The following IGFL2 variants were observed in gnomAD, a reference collection of about 807,000 sequenced individuals.
IGFL2 encodes the protein insulin growth factor-like family member 2.
Under a neutral mutation model 13.9 loss-of-function variants are expected in IGFL2, and 7 were observed. The ratio of observed to expected loss-of-function variants is 0.51; its 90% confidence interval spans 0.29 to 0.95. The LOEUF (loss-of-function observed/expected upper bound fraction) is 0.95. Among genes scored for constraint, IGFL2 ranks in the 40% least tolerant of loss-of-function variants. The pLI is 0.08. For missense variants in IGFL2, 138 were observed against 147.8 expected, an observed-to-expected ratio of 0.93 and a Z score of 0.34; for synonymous variants, 55 against 55.8, an observed-to-expected ratio of 0.99 and a Z score of 0.07.
the IGFL2 span, chr19:46,213,134 C>T: frequency 6.6e-6 from 1 of 152,574 alleles, no homozygotes; most frequent in African/African-American, 2.4e-5. Flanking sequence ...TCAATGGGAT[C>T]CTGTGGAATC....
At chr19:46,104,649 C>T in the IGFL2 span, among the ~76,000 whole-genome samples, 1 of 152,144 alleles carries the variant, frequency 6.6e-6, no homozygotes, top group Non-Finnish European at 1.5e-5. Flanking sequence ...ATTTGCCAGT[C>T]CTGGACAGGG....
chr19:46,083,335 A>C, the IGFL2 span, among the ~76,000 whole-genome samples: 4 of 152,360 alleles, frequency 2.6e-5, no homozygotes, highest in African/African-American at 9.6e-5. Flanking sequence ...TTATTCACAA[A>C]ATGGAAATCT....
the IGFL2 span, among the ~76,000 whole-genome samples, chr19:46,197,724 G>A: frequency 6.6e-6 from 1 of 151,980 alleles, no homozygotes; most frequent in Non-Finnish European, 1.5e-5. Flanking sequence ...GACAGACGGG[G>A]TTTCAGCATG....
the IGFL2 span, among the ~76,000 whole-genome samples, chr19:46,187,709 T>A: frequency 6.7e-6 from 1 of 148,266 alleles, no homozygotes; most frequent in African/African-American, 2.6e-5. Flanking sequence ...TGCTACCTGA[T>A]CAGAGACGGT....
At chr19:46,078,877 C>G in the IGFL2 span, among the ~76,000 whole-genome samples, 4 of 130,784 alleles carry the variant, frequency 3.1e-5, no homozygotes, top group African/African-American at 1.2e-4. Context: ...CAGTAGACAT[C>G]GCGCAGGCGT....
chr19:46,210,326 A>T, the IGFL2 span: 6 of 152,362 alleles, frequency 3.9e-5, no homozygotes, highest in East Asian at 1.2e-3. Flanking sequence ...AATTGGAGGC[A>T]GAAGCCAGAG....
At chr19:46,115,426 CAAAAT>C in the IGFL2 span, among the ~76,000 whole-genome samples, 3 of 152,310 alleles carry the variant, frequency 2.0e-5, no homozygotes, top group East Asian at 5.8e-4. Flanking sequence ...AAACACAAGA[CAAAAT>C]GAAATGCAGC....
the IGFL2 span, among the ~76,000 whole-genome samples, chr19:46,080,728 A>G: frequency 0.013 from 2,050 of 152,334 alleles, 31 homozygotes; most frequent in Middle Eastern, 0.027. Flanking sequence ...GTCAGGAAAG[A>G]GTCAGACAGT....
the IGFL2 span, among the ~76,000 whole-genome samples, chr19:46,179,772 CG>C: frequency 6.6e-6 from 1 of 151,982 alleles, no homozygotes; most frequent in Non-Finnish European, 1.5e-5. Flanking sequence ...AAAAATTAGC[CG>C]GGAGTGTTGG....
the IGFL2 span, chr19:46,124,464 A>G: frequency 8.7e-7 from 1 of 1,151,166 alleles, no homozygotes; most frequent in Non-Finnish European, 1.3e-6. Context: ...GATCCCGTTC[A>G]GGCAGGCCCT....
chr19:46,122,775 A>G, the IGFL2 span, among the ~76,000 whole-genome samples: 19 of 151,054 alleles, frequency 1.3e-4, 1 homozygote, highest in African/African-American at 3.4e-4. Context: ...CCCCAACAGA[A>G]TAAAGTCTTA....
At chr19:46,165,281 G>A (rs373590254), downstream of IGFL2, among the ~76,000 whole-genome samples, 10 of 152,302 alleles carry the variant, frequency 6.6e-5, no homozygotes, top group South Asian at 1.2e-3. Context: ...GTAGTATTCC[G>A]GTCCCAACTA....
intron 1 of IGFL2, among the ~76,000 whole-genome samples, chr19:46,158,870 G>A (rs1973971536): frequency 1.3e-5 from 2 of 152,120 alleles, no homozygotes; most frequent in African/African-American, 4.8e-5. Context: ...GTGGCAGCAG[G>A]TGGGGGATGG....
chr19:46,127,870 C>G, the IGFL2 span, among the ~76,000 whole-genome samples: 3 of 152,224 alleles, frequency 2.0e-5, no homozygotes, highest in Admixed American at 2.0e-4. Flanking sequence ...ACAGAAGTTT[C>G]TGGTTGGTGA....
At chr19:46,120,256 A>G in the IGFL2 span, 41 of 1,600,830 alleles carry the variant, frequency 2.6e-5, no homozygotes, top group Non-Finnish European at 3.3e-5. Context: ...CCGAAGTTCA[A>G]CTGTAGTCTC....
chr19:46,126,429 A>C, the IGFL2 span, among the ~76,000 whole-genome samples: 1 of 152,106 alleles, frequency 6.6e-6, no homozygotes, highest in African/African-American at 2.4e-5. Flanking sequence ...TCTTTCTTTG[A>C]ATTTTCTTTC....
intron 1 of IGFL2, among the ~76,000 whole-genome samples, chr19:46,153,380 G>C (rs1213676398): frequency 2.0e-5 from 3 of 152,154 alleles, no homozygotes; most frequent in African/African-American, 7.2e-5. Flanking sequence ...TAACTGAGAT[G>C]AGGTATCTTA....
chr19:46,137,058 C>T, the IGFL2 span: 31 of 1,598,208 alleles, frequency 1.9e-5, no homozygotes, highest in Non-Finnish European at 2.7e-5. Context: ...GATGGACGAG[C>T]CAAAACTGAT....
At chr19:46,194,052 C>T in the IGFL2 span, among the ~76,000 whole-genome samples, 2 of 152,124 alleles carry the variant, frequency 1.3e-5, no homozygotes, top group African/African-American at 2.4e-5. Flanking sequence ...TCCTCATCTC[C>T]TAGCACTGAA....
Sources: allele counts gnomAD v4.1 joint callset (sites outside exome capture counted in the v4.1 genomes callset), GRCh38; gene constraint gnomAD v4.1.1; transcripts MANE v1.5; gene names NCBI Gene and HGNC (gene_info 2026-07-23, HGNC 2026-07-21).